The following F8 variants were observed in gnomAD, a reference collection of about 807,000 sequenced individuals.
F8 encodes the protein antihemophilic factor.
Under a neutral mutation model 140.6 loss-of-function variants are expected in F8, and 12 were observed. The observed-to-expected ratio is 0.09, with a 90% CI of 0.05 to 0.14. The LOEUF is 0.14. Ranked by LOEUF, F8 falls within the 10% of genes least tolerant of loss-of-function variation. The pLI is 1.00. For synonymous variants in F8, 585 were observed against 614.6 expected, an observed-to-expected ratio of 0.95 and a Z score of 0.71; for missense variants, 1,354 against 1,720.7, an observed-to-expected ratio of 0.79 and a Z score of 3.77.
chrX:154,904,106 G>A lies in F8; in HGVS notation c.5816-18C>T, dbSNP rs781949574. ...ATTGATTGCTGGAGAAGGACACAGAGAAGCCTGTTAAAATCTATTATATAA... is the reference window on the plus strand; with the variant it reads ...ATTGATTGCTGGAGAAGGACACAGAAAAGCCTGTTAAAATCTATTATATAA... On this transcript the variant is annotated intron_variant, in intron 17 of 25. Transcript: ENST00000360256. 16 of 1,206,480 alleles carry A rather than the reference G, an allele frequency of 1.3e-5. No homozygotes were observed. The South Asian group carries it at 2.1e-4, about 16-fold the overall frequency.
At chrX:154,863,008 C>A (rs1201742295) in intron 23 of F8, 75 bp downstream of exon 23, 2 of 1,105,747 alleles carry the variant, frequency 1.8e-6, no homozygotes, top group South Asian at 1.8e-5. Context: ...CTCCCCCAGT[C>A]TCAGGATAAC....
intron 1 of F8, among the ~76,000 whole-genome samples, chrX:155,013,342 C>T (rs782696660): frequency 9.1e-6 from 1 of 109,645 alleles, no homozygotes; most frequent in Non-Finnish European, 1.9e-5. Context: ...CTCATGAGGG[C>T]TGATGGTTTT....
At chrX:154,874,098 TG>T (rs2072794903) in intron 22 of F8, among the ~76,000 whole-genome samples, 1 of 112,254 alleles carries the variant, frequency 8.9e-6, no homozygotes, top group South Asian at 3.6e-4. Context: ...TATCTGATAA[TG>T]GGTAAGAAAC....
Position 154,929,983 on chromosome X carries a change from A to G in F8, c.3807T>C (p.Asp1269=). The change falls in exon 14 of 26, where the codon GAT becomes GAC. Residue 1269 remains aspartate (D), a synonymous_variant. Coordinates refer to ENST00000360256, the MANE Select transcript of F8 (RefSeq NM_000132.4). ...YDGAYAPVLQ[D]FRSLNDSTNR... is the part of the protein sequence containing the mutation. ...TTGTTGAATCATTTAATGACCTAAA[A>G]TCTTGAAGTACTGGAGCATATGCCC... 8.3e-7 allele frequency: 1 copy of G among 1,210,839 alleles called. No individual in the cohort carries two copies. The highest frequency in any genetic ancestry group is 1.8e-5 in the South Asian group (1 of 56,950).
chrX:154,971,900 T>C (rs782720762), intron 6 of F8, among the ~76,000 whole-genome samples: 1 of 112,501 alleles, frequency 8.9e-6, no homozygotes, highest in Non-Finnish European at 1.9e-5. Flanking sequence ...TGTATCTATA[T>C]CACAGTTTCT....
chrX:155,016,980 T>C lies in F8; in HGVS notation c.143+5430A>G, dbSNP rs782460810. 4.7e-4 allele frequency among the ~76,000 whole-genome samples: 53 copies of C among 112,409 alleles called. No individual in the cohort carries two copies. In the Middle Eastern group the frequency reaches 0.014, roughly 29 times the overall value. On this transcript the variant is annotated intron_variant, in intron 1 of 25. Transcript: ENST00000360256. ...TATGTGGCAAATTAAACTTTGCAGATGGAATTAAGGGGCTGATTAGCTGAC... is the reference window on the plus strand; with the variant it reads ...TATGTGGCAAATTAAACTTTGCAGACGGAATTAAGGGGCTGATTAGCTGAC...
At chrX:154,896,421 G>T (rs1271480148) in intron 21 of F8, among the ~76,000 whole-genome samples, 189 bp from the exon 22 acceptor site, 1 of 110,052 alleles carries the variant, frequency 9.1e-6, no homozygotes, top group Non-Finnish European at 1.9e-5. Flanking sequence ...ATACACAGTA[G>T]AAATGAATGG....
intron 1 of F8, among the ~76,000 whole-genome samples, chrX:155,016,809 G>A (rs1258050875): frequency 8.9e-6 from 1 of 112,346 alleles, no homozygotes; most frequent in Non-Finnish European, 1.9e-5. Context: ...TTAGGGTGGT[G>A]GTTATGCAAG....
intron 4 of F8, among the ~76,000 whole-genome samples, chrX:154,990,440 A>G (rs1295510071): frequency 8.9e-6 from 1 of 111,817 alleles, no homozygotes; most frequent in Non-Finnish European, 1.9e-5. Context: ...TTGAATTGGA[A>G]TGAAGTTGAA....
intron 4 of F8, among the ~76,000 whole-genome samples, chrX:154,992,387 T>C (rs181237589): frequency 4.7e-4 from 53 of 112,849 alleles, no homozygotes; most frequent in African/African-American, 1.5e-3. Flanking sequence ...TAATTTATGC[T>C]AAGGTATAAA....
In F8 at chrX:154,929,806, T is replaced by C. The variant is rs1557278521; in HGVS notation, c.3984A>G (p.Gln1328=). ...PNTSQQNFVT[Q]RSKRALKQFR... The stretch of plus-strand genomic sequence containing the variant: ...ATTGTTTCAAAGCTCTCTTACTACG[T>C]TGCGTGACAAAATTCTGCTGGCTTG... The change falls in exon 14 of 26, where the codon CAA becomes CAG. Residue 1328 remains glutamine, a synonymous_variant. Coordinates refer to ENST00000360256, the MANE Select transcript of F8 (RefSeq NM_000132.4). The C allele has an allele frequency of 2.5e-6, 3 of 1,211,970 alleles. No individual in the cohort carries two copies. In the East Asian group the frequency reaches 8.9e-5, roughly 36 times the overall value.
At chrX:154,843,946 C>T (rs1156686680) in intron 25 of F8, among the ~76,000 whole-genome samples, 12 of 111,472 alleles carry the variant, frequency 1.1e-4, no homozygotes, top group African/African-American at 3.9e-4. Context: ...AGTCTTTAAT[C>T]CATCTTGAAT....
rs1374374811 is a variant in F8 at position 154,929,977 on chromosome X, C to T, written c.3813G>A (p.Arg1271=). ...TTCTATTTGTTGAATCATTTAATGA[C>T]CTAAAATCTTGAAGTACTGGAGCAT... ...GAYAPVLQDF[R]SLNDSTNRTK... Residue 1271 remains arginine (R), a synonymous_variant, in exon 14 of 26, where the codon AGG becomes AGA. Coordinates refer to ENST00000360256, the MANE Select transcript of F8 (RefSeq NM_000132.4). The T allele has an allele frequency of 8.3e-7, 1 of 1,209,085 alleles. No individual in the cohort carries two copies. Among genetic ancestry groups the T allele is most frequent in the Non-Finnish European group, 1.1e-6 (1 of 894,824 alleles).
At chrX:154,901,502 G>A in intron 19 of F8, 60 bp from the exon 20 acceptor site, 1 of 768,876 alleles carries the variant, frequency 1.3e-6, no homozygotes, top group Non-Finnish European at 2.0e-6. Flanking sequence ...CTTCTCAAAT[G>A]TAAGTCAATG....
chrX:154,927,896 A>G (rs1382900446), intron 14 of F8, among the ~76,000 whole-genome samples: 3 of 111,867 alleles, frequency 2.7e-5, no homozygotes, highest in Non-Finnish European at 3.8e-5. Flanking sequence ...GATGATTTCT[A>G]TGACCACCAC....
At chrX:155,019,576 T>C (rs895516093) in intron 1 of F8, among the ~76,000 whole-genome samples, 1 of 111,006 alleles carries the variant, frequency 9.0e-6, no homozygotes, top group East Asian at 2.8e-4. Context: ...GGGGGAATGC[T>C]TGAGCTCAGG....
intron 25 of F8, among the ~76,000 whole-genome samples, chrX:154,854,833 T>C (rs2072640042): frequency 8.9e-6 from 1 of 111,800 alleles, no homozygotes; most frequent in African/African-American, 3.3e-5. Flanking sequence ...GATCTGGCAA[T>C]AGAAATATGT....
At chrX:155,021,440 AT>A (rs1365791491) in intron 1 of F8, among the ~76,000 whole-genome samples, 1 of 112,075 alleles carries the variant, frequency 8.9e-6, no homozygotes, top group Non-Finnish European at 1.9e-5. Context: ...AGACAAAAAA[AT>A]AAAATAAATG....
intron 25 of F8, among the ~76,000 whole-genome samples, chrX:154,848,025 G>T (rs2072583562): frequency 9.0e-6 from 1 of 111,289 alleles, no homozygotes; most frequent in Admixed American, 9.6e-5. Flanking sequence ...TCAGCTGCAG[G>T]TCTGTTGGAG....
Sources: gnomAD v4.1 joint callset for allele counts (sites outside exome capture counted in the v4.1 genomes callset) on GRCh38, gnomAD v4.1.1 for gene constraint, MANE v1.5 for transcripts, NCBI Gene and HGNC (gene_info 2026-07-23, HGNC 2026-07-21) for gene names.